The following RNF216 variants were observed in gnomAD, a reference collection of about 807,000 sequenced individuals.
The protein encoded by RNF216 is ring finger protein 216.
Under a neutral mutation model 110.8 loss-of-function variants are expected in RNF216, and 72 were observed. The ratio of observed to expected loss-of-function variants is 0.65; its 90% CI spans 0.54 to 0.79. RNF216 has a LOEUF of 0.79. RNF216 is among the 30% of genes least tolerant of loss of function. The pLI, the probability that RNF216 is intolerant of heterozygous loss-of-function variation, is 0.00. For missense variants in RNF216, 1,342 were observed against 1,141.2 expected (o/e 1.18, Z -2.54); for synonymous variants, 495 against 407.5 (o/e 1.21, Z -2.59).
intron 13 of RNF216, among the ~76,000 whole-genome samples, chr7:5,659,801 C>A (rs541906110): frequency 1.6e-4 from 25 of 152,162 alleles, no homozygotes; most frequent in Admixed American, 2.6e-4. Flanking sequence ...CAACACCAAG[C>A]CTGGCAGGGG....
intron 8 of RNF216, among the ~76,000 whole-genome samples, chr7:5,723,898 T>C (rs540963300): frequency 1.3e-5 from 2 of 152,282 alleles, no homozygotes; most frequent in Non-Finnish European, 2.9e-5. Context: ...TAAGTGTGAG[T>C]CATAAACATT....
intron 13 of RNF216, among the ~76,000 whole-genome samples, chr7:5,670,914 C>T (rs746418588): frequency 1.2e-4 from 19 of 152,186 alleles, no homozygotes; most frequent in Middle Eastern, 3.2e-3. Context: ...TCAAGGTCTT[C>T]CCAAGACGAA....
chr7:5,695,258 T>C (rs1791553898), intron 13 of RNF216, among the ~76,000 whole-genome samples: 1 of 152,134 alleles, frequency 6.6e-6, no homozygotes, highest in Non-Finnish European at 1.5e-5. Flanking sequence ...AATACCAATA[T>C]ACAAAACCAC....
chr7:5,734,718 G>C (rs1794290072), intron 5 of RNF216, among the ~76,000 whole-genome samples: 1 of 151,442 alleles, frequency 6.6e-6, no homozygotes, highest in Non-Finnish European at 1.5e-5. Flanking sequence ...CAGCTATTCG[G>C]GAGACTGAGG....
At chr7:5,653,079 G>A (rs1027396183) in intron 13 of RNF216, among the ~76,000 whole-genome samples, 1 of 152,074 alleles carries the variant, frequency 6.6e-6, no homozygotes, top group African/African-American at 2.4e-5. Flanking sequence ...TCCAAAACTC[G>A]CTTCTACTGG....
At chr7:5,634,072 A>C (rs548373505) in intron 15 of RNF216, among the ~76,000 whole-genome samples, 11 of 152,258 alleles carry the variant, frequency 7.2e-5, no homozygotes, top group Non-Finnish European at 1.3e-4. Flanking sequence ...TGTTCCCAAA[A>C]TAACCATTTG....
chr7:5,682,099 C>T (rs1790689092), intron 13 of RNF216, among the ~76,000 whole-genome samples: 1 of 152,236 alleles, frequency 6.6e-6, no homozygotes, highest in African/African-American at 2.4e-5. Flanking sequence ...ACTCAGCAGA[C>T]ACAGGCACCT....
chr7:5,674,053 G>C (rs996996734), intron 13 of RNF216, among the ~76,000 whole-genome samples: 5 of 149,444 alleles, frequency 3.3e-5, no homozygotes, highest in African/African-American at 1.2e-4. Context: ...TTTTTACGAC[G>C]GAGTCTTGCC....
chr7:5,653,495 G>T (rs2128578023), intron 13 of RNF216, among the ~76,000 whole-genome samples: 1 of 151,130 alleles, frequency 6.6e-6, no homozygotes, highest in East Asian at 2.0e-4. Flanking sequence ...CAGCCACTCA[G>T]GAGGCTGAAG....
chr7:5,727,307 A>G (rs1242648526), intron 7 of RNF216, among the ~76,000 whole-genome samples: 2 of 152,192 alleles, frequency 1.3e-5, no homozygotes, highest in Admixed American at 6.5e-5. Flanking sequence ...CCTTATGACC[A>G]CAAGCTTTCC....
chr7:5,732,934 G>A (rs578039598), intron 5 of RNF216: 2 of 152,344 alleles, frequency 1.3e-5, no homozygotes, highest in South Asian at 4.1e-4. Context: ...CCACGTGTGA[G>A]TGAAAGGTCT....
Position 5,621,340 on chromosome 7 carries a change from A to C in RNF216, c.*1520T>G, listed in dbSNP as rs953446979. On this transcript the variant is annotated 3_prime_UTR_variant, in exon 17 of 17. Transcript: ENST00000389902. Reference sequence around the variant, plus strand: ...TAGGCATGCGCCACCTTGTCCGGCTAATTTTGTATTTTTAGTAGAGACGGG... The same window carrying C: ...TAGGCATGCGCCACCTTGTCCGGCTCATTTTGTATTTTTAGTAGAGACGGG... 1.3e-5 allele frequency: 2 copies of C among 151,934 alleles called. No individual in the cohort carries two copies. Among genetic ancestry groups the C allele is most frequent in the African/African-American group, 4.8e-5 (2 of 41,342 alleles). The allele number at this position is 151,934 out of a possible 1,614,324, so 9.4% of individuals were successfully genotyped here.
chr7:5,624,251 T>C lies in RNF216; in HGVS notation c.2383-126A>G. 4 of 732,572 alleles carry C rather than the reference T, an allele frequency of 5.5e-6. No homozygotes were observed. The highest frequency in any genetic ancestry group is 2.5e-4 in the Middle Eastern group (1 of 4,072). The allele number at this position is 732,572 out of a possible 1,614,324, so 45.4% of individuals were successfully genotyped here. A position where few individuals can be genotyped will look rare whatever the true frequency, so the allele number is the denominator to read the frequency against. ...AAGCCCGAAGCCTGCTGCTGGCCAG[T>C]GGGGCCTGGGCTGCACACCGTTCCT... On this transcript the variant is annotated intron_variant, in intron 15 of 16. Coordinates refer to ENST00000389902, the MANE Select transcript of RNF216 (RefSeq NM_207111.4). This position sits in a 1 kb window ranked among gnomAD's most constrained non-coding sequence, Gnocchi z 4.4.
At chr7:5,695,686 A>G (rs1023558927) in intron 13 of RNF216, among the ~76,000 whole-genome samples, 1 of 152,208 alleles carries the variant, frequency 6.6e-6, no homozygotes, top group Non-Finnish European at 1.5e-5. Flanking sequence ...CAGCCACAGA[A>G]TAGTGTTCTC....
At chr7:5,746,630 C>T (rs753396617) in intron 3 of RNF216, among the ~76,000 whole-genome samples, 4 of 152,148 alleles carry the variant, frequency 2.6e-5, no homozygotes, top group Non-Finnish European at 4.4e-5. Flanking sequence ...TTGGAGCCAA[C>T]GTCATCCCGG....
chr7:5,658,875 T>C (rs550977959), intron 13 of RNF216, among the ~76,000 whole-genome samples: 1 of 152,148 alleles, frequency 6.6e-6, no homozygotes, highest in Non-Finnish European at 1.5e-5. Flanking sequence ...AAATTGTACA[T>C]CTGCCGCTCT....
rs1468213121 is a variant in RNF216, at chr7:5,741,554, C to T, written c.463G>A (p.Glu155Lys). The T allele has an allele frequency of 6.2e-7, 1 of 1,614,052 alleles. No individual in the cohort carries two copies. The highest frequency in any genetic ancestry group is 8.5e-7 in the Non-Finnish European group (1 of 1,180,046). Residue 155 changes from glutamate to lysine, a missense_variant, in exon 4 of 17, where the codon GAA becomes AAA. Transcript: ENST00000389902. The part of the protein sequence containing the change: ...FTKPSGQTER[E>K]PKPGPSHNQA... ...TTATGACTCGGTCCAGGCTTGGGTT[C>T]TCTTTCTGTTTGGCCACTTGGCTTA... is the stretch of plus-strand genomic sequence containing the variant.
intron 12 of RNF216, 56 bp downstream of exon 12, chr7:5,712,659 G>A: frequency 1.3e-6 from 2 of 1,577,186 alleles, no homozygotes; most frequent in Non-Finnish European, 1.7e-6. Context: ...AAGTGCCCAG[G>A]TAGTTTTCAC....
At chr7:5,779,851 A>G (rs1427792149) in intron 1 of RNF216, 3 of 107,404 alleles carry the variant, frequency 2.8e-5, no homozygotes, top group African/African-American at 1.0e-4. Flanking sequence ...AAAATGCTCA[A>G]TGAATGGGCT....
Sources: gnomAD v4.1 joint callset for allele counts (sites outside exome capture counted in the v4.1 genomes callset) on GRCh38, gnomAD v4.1.1 for gene constraint, Gnocchi (gnomAD v3.1) non-coding constraint, MANE v1.5 for transcripts, NCBI Gene and HGNC (gene_info 2026-07-23, HGNC 2026-07-21) for gene names.